The following OR8B2 variants were observed in gnomAD, a reference collection of about 807,000 sequenced individuals.
OR8B2 encodes olfactory receptor 8B2.
For synonymous variants in OR8B2, 98 were observed against 138.2 expected, an observed-to-expected ratio of 0.71 and a Z score of 2.04; for missense variants, 304 against 379.6, an observed-to-expected ratio of 0.80 and a Z score of 1.65.
At chr11:124,397,280 C>CCGG in the OR8B2 span, 1 of 1,221,042 alleles carries the variant, frequency 8.2e-7, no homozygotes, top group South Asian at 1.3e-5. Flanking sequence ...AGAGGGGTTG[C>CCGG]TGGAACTCTG....
At chr11:124,394,527 G>C in the OR8B2 span, among the ~76,000 whole-genome samples, 1 of 152,204 alleles carries the variant, frequency 6.6e-6, no homozygotes. Context: ...GTTCTAAAAA[G>C]TCTTGGTCAG....
the OR8B2 span, among the ~76,000 whole-genome samples, chr11:124,395,247 G>A: frequency 6.6e-6 from 1 of 151,614 alleles, no homozygotes; most frequent in Non-Finnish European, 1.5e-5. Flanking sequence ...CTAGGTGACA[G>A]AGTGAGATCC....
chr11:124,391,407 A>G, the OR8B2 span, among the ~76,000 whole-genome samples: 6,968 of 152,058 alleles, frequency 0.046, 530 homozygotes, highest in African/African-American at 0.16. Flanking sequence ...AATCAAATAG[A>G]TGCAATAAAA....
chr11:124,393,057 C>A, the OR8B2 span, among the ~76,000 whole-genome samples: 1 of 145,038 alleles, frequency 6.9e-6, no homozygotes, highest in African/African-American at 2.7e-5. Context: ...AACTGGCTAG[C>A]CATATGTAGA....
the OR8B2 span, among the ~76,000 whole-genome samples, chr11:124,389,842 G>C: frequency 6.6e-6 from 1 of 152,070 alleles, no homozygotes; most frequent in East Asian, 1.9e-4. Context: ...AAAGCCAGTA[G>C]TATGCTATGC....
the OR8B2 span, among the ~76,000 whole-genome samples, chr11:124,392,902 G>T: frequency 6.7e-6 from 1 of 149,620 alleles, no homozygotes; most frequent in Non-Finnish European, 1.5e-5. Context: ...CATGGTACGG[G>T]TACCAAAACA....
chr11:124,388,717 G>T (rs1476622241), upstream of OR8B2, among the ~76,000 whole-genome samples: 1 of 152,016 alleles, frequency 6.6e-6, no homozygotes, highest in Non-Finnish European at 1.5e-5. Context: ...AACACAGAAA[G>T]TAGGCCCTGC....
chr11:124,386,184 TC>T (rs1860696527), upstream of OR8B2, among the ~76,000 whole-genome samples: 1 of 150,576 alleles, frequency 6.6e-6, no homozygotes, highest in African/African-American at 2.5e-5. Context: ...TTTTTTTTTG[TC>T]CCTGGGAGCG....
the OR8B2 span, among the ~76,000 whole-genome samples, chr11:124,390,985 T>C: frequency 6.6e-6 from 1 of 152,128 alleles, no homozygotes; most frequent in Non-Finnish European, 1.5e-5. Flanking sequence ...AACAATTGCT[T>C]CAAAGCCTTT....
In OR8B2 at chr11:124,382,941, T is replaced by C; in HGVS notation, c.403A>G (p.Thr135Ala). Residue 135 changes from threonine to alanine, a missense_variant, in exon 2 of 2, where the codon ACC (threonine) becomes GCC (alanine). Physicochemically the swap from Thr to Ala is moderately conservative, Grantham distance 58 (BLOSUM62 0). Coordinates refer to ENST00000641451, the MANE Select transcript of OR8B2 (RefSeq NM_001005468.2). ...AICNPLLYKV[T>A]MSHQVCSMLT... Reference sequence around the variant, plus strand: ...ATAGAACAGACCTGATGGGACATGGTGACCTTATACAGCAATGGATTACAG... The same window carrying C: ...ATAGAACAGACCTGATGGGACATGGCGACCTTATACAGCAATGGATTACAG... 1 of 1,612,000 alleles carries C rather than the reference T, an allele frequency of 6.2e-7. No individual in the cohort carries two copies. Among genetic ancestry groups the C allele is most frequent in the Non-Finnish European group, 8.5e-7 (1 of 1,178,844 alleles).
the OR8B2 span, among the ~76,000 whole-genome samples, chr11:124,393,218 T>A: frequency 1.1e-4 from 16 of 146,244 alleles, 1 homozygote; most frequent in East Asian, 3.1e-3. Flanking sequence ...GGACTTCATG[T>A]CTAAAACACC....
chr11:124,392,243 G>A, the OR8B2 span, among the ~76,000 whole-genome samples: 3 of 109,916 alleles, frequency 2.7e-5, no homozygotes, highest in African/African-American at 1.3e-4. Flanking sequence ...ATTCAACATA[G>A]TGTTGGAAGT....
At chr11:124,389,881 A>C in the OR8B2 span, among the ~76,000 whole-genome samples, 1 of 152,156 alleles carries the variant, frequency 6.6e-6, no homozygotes, top group Non-Finnish European at 1.5e-5. Flanking sequence ...TTAAACAGAG[A>C]ATTAGTTATA....
At chr11:124,388,734 G>A (rs181837142), upstream of OR8B2, among the ~76,000 whole-genome samples, 317 of 152,064 alleles carry the variant, frequency 2.1e-3, no homozygotes, top group Non-Finnish European at 3.4e-3. Context: ...CTGCCCATAG[G>A]ATTCCTCAGT....
upstream of OR8B2, among the ~76,000 whole-genome samples, chr11:124,389,111 A>G (rs1000863538): frequency 2.0e-5 from 3 of 152,162 alleles, no homozygotes; most frequent in Admixed American, 6.5e-5. Flanking sequence ...GGTATAAGCC[A>G]CTACGCCCAG....
rs1293436556 is a variant in OR8B2 at position 124,383,433 on chromosome 11, C to T, written c.-17-73G>A. ...CAAAATCTCATTAATGAGGAGGGGA[C>T]TCAGGCTGTAGGAATTTGGGTGAGT... On this transcript the variant is annotated intron_variant, in intron 1 of 1. Transcript: ENST00000641451. 18 of 1,313,728 alleles carry T rather than the reference C, an allele frequency of 1.4e-5. No homozygotes were observed. The Admixed American group carries it at 2.8e-4, about 20-fold the overall frequency. 81.4% of individuals were successfully genotyped at this position (1,313,728 alleles called of 1,614,324 possible). A position where few individuals can be genotyped will look rare whatever the true frequency, so the allele number is the denominator to read the frequency against.
At position 124,383,291 on chromosome 11, in the gene OR8B2, G is replaced by A. The variant is rs565957437; in HGVS notation, c.53C>T (p.Thr18Ile). Residue 18 changes from threonine to isoleucine, a missense_variant, in exon 2 of 2, where the codon ACA becomes ATA. By Grantham distance (89) the Thr-to-Ile change is moderately conservative. Transcript: ENST00000641451. ...GGGTTGCCGGAACTCTGGATGATCT[G>A]TTAATCCAGCAAGAATAAATTCAGT... is the stretch of plus-strand genomic sequence containing the variant. ...LVTEFILAGL[T>I]DHPEFRQPLF... The A allele has an allele frequency of 1.2e-6, 2 of 1,613,874 alleles. No homozygotes were observed. Among genetic ancestry groups the A allele is most frequent in the African/African-American group, 1.3e-5 (1 of 75,070 alleles).
At chr11:124,393,519 T>C in the OR8B2 span, among the ~76,000 whole-genome samples, 2,601 of 78,094 alleles carry the variant, frequency 0.033, 260 homozygotes, top group African/African-American at 0.088. Flanking sequence ...AAAACGTTCA[T>C]CATCACTGGC....
At chr11:124,390,894 T>A in the OR8B2 span, among the ~76,000 whole-genome samples, 27 of 152,294 alleles carry the variant, frequency 1.8e-4, no homozygotes, top group African/African-American at 6.3e-4. Context: ...TTTTGGTCCA[T>A]CTTTAGATTA....
Sources: allele counts gnomAD v4.1 joint callset (sites outside exome capture counted in the v4.1 genomes callset), GRCh38; gene constraint gnomAD v4.1.1; transcripts MANE v1.5; gene names NCBI Gene and HGNC (gene_info 2026-07-23, HGNC 2026-07-21).